Variants in CNOT3 observed in about 807,000 individuals in gnomAD.
CNOT3 encodes CCR4-associated factor 3.
A neutral mutation model predicts 89.4 loss-of-function variants in CNOT3; 2 were observed. The observed-to-expected ratio is 0.02, with a 90% CI of 0.01 to 0.07. CNOT3 has a LOEUF of 0.07. Ranked by LOEUF, CNOT3 falls within the 10% of genes least tolerant of loss-of-function variation. The probability of loss-of-function intolerance (pLI) is 1.00; values close to 1 mark genes in which losing one functional copy is unlikely to be tolerated. For synonymous variants in CNOT3, 486 were observed against 402.0 expected (o/e 1.21, Z -2.50); for missense variants, 664 against 1,010.2 (o/e 0.66, Z 4.65).
chr19:54,140,265 C>T (rs939333066), intron 1 of CNOT3, among the ~76,000 whole-genome samples: 1 of 152,158 alleles, frequency 6.6e-6, no homozygotes, highest in Admixed American at 6.5e-5. Flanking sequence ...CCCCGCCACC[C>T]GCCTTGTGGG....
Position 54,144,576 on chromosome 19 carries a change from C to G in CNOT3, c.483+244C>G, listed in dbSNP as rs2074582071. On this transcript the variant is annotated intron_variant, in intron 7 of 17. Coordinates refer to ENST00000221232, the MANE Select transcript of CNOT3 (RefSeq NM_014516.4). This position sits in a 1 kb window ranked among gnomAD's most constrained non-coding sequence, Gnocchi z 4.8. ...CTGGGTGTCTGGGTAGACCGTGGGGCCTTTGTGAAGAGGAGCGACTTGGGG... is the reference window on the plus strand; with the variant it reads ...CTGGGTGTCTGGGTAGACCGTGGGGGCTTTGTGAAGAGGAGCGACTTGGGG... Among the ~76,000 whole-genome samples, 1 of 152,066 alleles carries G rather than the reference C, an allele frequency of 6.6e-6. No individual in the cohort carries two copies.
At position 54,145,835 on chromosome 19, in the gene CNOT3, A is replaced by G. The variant is rs73936620; in HGVS notation, c.703+18A>G. 8,669 of 1,609,104 alleles carry G rather than the reference A, an allele frequency of 5.4e-3. 388 individuals are homozygous for G. In the African/African-American group the frequency reaches 0.098, roughly 18 times the overall value. ...GGACATTCGTGAGGCCCTGGGGCTG[A>G]TCGTGGCACAGGAAGTGAGGGCCCA... On this transcript the variant is annotated intron_variant, in intron 8 of 17. Transcript: ENST00000221232. This position sits in a 1 kb window ranked among gnomAD's most constrained non-coding sequence, Gnocchi z 5.9.
Position 54,144,880 on chromosome 19 carries a change from CAG to C in CNOT3, c.483+549_483+550del, listed in dbSNP as rs1231433721. 6.6e-6 allele frequency among the ~76,000 whole-genome samples: 1 copy of C among 151,962 alleles called. No individual in the cohort carries two copies. Among genetic ancestry groups the C allele is most frequent in the East Asian group, 1.9e-4 (1 of 5,192 alleles). On this transcript the variant is annotated intron_variant, in intron 7 of 17. Transcript: ENST00000221232. This position sits in a 1 kb window ranked among gnomAD's most constrained non-coding sequence, Gnocchi z 4.8. Reference sequence around the variant, plus strand: ...TACAGACTTGCTGAAACCAGAAAGACAGGGAGGGGAGAGCCGGGTCCTCAGGG... The same window carrying C: ...TACAGACTTGCTGAAACCAGAAAGACGGAGGGGAGAGCCGGGTCCTCAGGG...
intron 13 of CNOT3, among the ~76,000 whole-genome samples, chr19:54,151,452 C>G (rs1356468325): frequency 6.6e-6 from 1 of 152,080 alleles, no homozygotes; most frequent in African/African-American, 2.4e-5. Context: ...ACCTGTAATC[C>G]CAGCTCTTAG....
At chr19:54,152,813 G>C (rs1016084715) in intron 15 of CNOT3, 54 bp from the exon 16 acceptor site, 1 of 915,994 alleles carries the variant, frequency 1.1e-6, no homozygotes, top group Non-Finnish European at 1.8e-6. Flanking sequence ...GCACCCTTTT[G>C]ATCACGACAG....
At chr19:54,154,399 T>G in intron 17 of CNOT3, 1 of 219,752 alleles carries the variant, frequency 4.6e-6, no homozygotes, top group African/African-American at 2.2e-5. Flanking sequence ...CACTCGAACC[T>G]CTGTGTCTCA....
At chr19:54,147,255 T>C (rs997591283) in intron 10 of CNOT3, among the ~76,000 whole-genome samples, 3 of 152,230 alleles carry the variant, frequency 2.0e-5, no homozygotes, top group Admixed American at 6.5e-5. Context: ...TACAGAACAA[T>C]GTTAGGCAGG....
chr19:54,150,278 G>A (rs1346892799), intron 13 of CNOT3, among the ~76,000 whole-genome samples: 4 of 152,076 alleles, frequency 2.6e-5, no homozygotes, highest in Non-Finnish European at 5.9e-5. Flanking sequence ...AGGGGGTGAT[G>A]TTTAAGCTGA....
intron 12 of CNOT3, 120 bp from the exon 13 acceptor site, chr19:54,149,440 C>T (rs2074919190): frequency 1.8e-6 from 1 of 568,538 alleles, no homozygotes; most frequent in Admixed American, 3.5e-5. Flanking sequence ...TCTGCCCTCA[C>T]CTGCCCCTCT....
At chr19:54,153,076 G>A (rs2075217112) in intron 16 of CNOT3, 77 bp downstream of exon 16, 4 of 1,491,828 alleles carry the variant, frequency 2.7e-6, no homozygotes, top group Non-Finnish European at 3.7e-6. Context: ...CGGGCTGGAG[G>A]GGTGAGGTGG....
intron 16 of CNOT3, chr19:54,153,408 ACCT>A (rs2075247216): frequency 2.6e-6 from 2 of 769,560 alleles, no homozygotes; most frequent in Non-Finnish European, 4.8e-6. Context: ...GTCATGAGTG[ACCT>A]CCACCCTCAT....
rs974357901 is a variant in CNOT3 at position 54,148,969 on chromosome 19, C to T, written c.1406+226C>T. Among the ~76,000 whole-genome samples, 1 of 152,216 alleles carries T rather than the reference C, an allele frequency of 6.6e-6. No individual in the cohort carries two copies. The highest frequency in any genetic ancestry group is 1.5e-5 in the Non-Finnish European group (1 of 68,036). ...CCTTCAGAACATTCTAAAATACGTT[C>T]TCATCTAAGTGGAAGTTTTCTCAAG... On this transcript the variant is annotated intron_variant, in intron 12 of 17. Coordinates refer to ENST00000221232, the MANE Select transcript of CNOT3 (RefSeq NM_014516.4). The surrounding 1 kb of genome is among the most constrained non-coding windows in gnomAD (Gnocchi z 6.3).
chr19:54,152,487 T>C lies in CNOT3; in HGVS notation c.1765T>C (p.Ser589Pro). 1 of 1,614,188 alleles carries C rather than the reference T, an allele frequency of 6.2e-7. No homozygotes were observed. Among genetic ancestry groups the C allele is most frequent in the Admixed American group, 1.7e-5 (1 of 60,018 alleles). Residue 589 changes from serine to proline, a missense_variant, in exon 15 of 18, where the codon TCA becomes CCA. This residue lies in a region of CNOT3 where 545 missense variants were observed against 566.2 expected (regional missense o/e 0.96). Coordinates refer to ENST00000221232, the MANE Select transcript of CNOT3 (RefSeq NM_014516.4). ...CTCAGCCCAGCCGCCCCTGCAGCTG[T>C]CAGAGGTGAACATACCGCTGTCGCT... ...PASAQPPLQLSEVNIPLSLGV... is the reference protein window; with the variant it reads ...PASAQPPLQLPEVNIPLSLGV...
Position 54,149,585 on chromosome 19 carries a change from A to T in CNOT3, c.1432A>T (p.Thr478Ser). ...GAAGGAACCCAGTGCGGCAGCCCCA[A>T]CGGGGGCTGGGGGCGTGGCCCCAGG... Reference protein sequence around the residue: ...TSKEPSAAAPTGAGGVAPGSG... With the variant: ...TSKEPSAAAPSGAGGVAPGSG... The change falls in exon 13 of 18, where the codon ACG becomes TCG. Residue 478 changes from threonine (T) to serine (S), a missense_variant. Around this residue, in one of 8 missense-constraint regions of CNOT3, gnomAD observed 545 missense variants for 566.2 expected, o/e 0.96. Coordinates refer to ENST00000221232, the MANE Select transcript of CNOT3 (RefSeq NM_014516.4). 6.2e-7 allele frequency: 1 copy of T among 1,601,556 alleles called. No homozygotes were observed. The highest frequency in any genetic ancestry group is 2.2e-5 in the East Asian group (1 of 44,650).
intron 1 of CNOT3, among the ~76,000 whole-genome samples, chr19:54,140,380 G>A (rs1212554370): frequency 6.6e-6 from 1 of 151,986 alleles, no homozygotes; most frequent in Non-Finnish European, 1.5e-5. Flanking sequence ...CTGGAGCACA[G>A]GTTCTTCACG....
Position 54,145,440 on chromosome 19 carries a change from G to C in CNOT3, c.484-158G>C. On this transcript the variant is annotated intron_variant, in intron 7 of 17. Coordinates refer to ENST00000221232, the MANE Select transcript of CNOT3 (RefSeq NM_014516.4). This position sits in a 1 kb window ranked among gnomAD's most constrained non-coding sequence, Gnocchi z 5.9. ...CTAAGATTGGTCCCCACAGGGCTCA[G>C]AGGGTGGGTGGACCCCATACTGCCC... 4.9e-6 allele frequency: 3 copies of C among 617,758 alleles called. No homozygotes were observed. The South Asian group carries it at 5.7e-5, about 12-fold the overall frequency. 38.3% of individuals were successfully genotyped at this position (617,758 alleles called of 1,614,324 possible). A position where few individuals can be genotyped will look rare whatever the true frequency, so the allele number is the denominator to read the frequency against.
intron 17 of CNOT3, chr19:54,154,724 G>A (rs2075321013): frequency 6.5e-6 from 1 of 153,092 alleles, no homozygotes; most frequent in Admixed American, 6.5e-5. Flanking sequence ...TAGAACCTAG[G>A]TCCTCTCCCA....
intron 1 of CNOT3, chr19:54,142,484 C>A: frequency 4.9e-6 from 1 of 204,298 alleles, no homozygotes. Flanking sequence ...TTTCATTTGT[C>A]TCCTGACTTG....
At chr19:54,138,430 C>T (rs1442251490) in intron 1 of CNOT3, among the ~76,000 whole-genome samples, 1 of 152,172 alleles carries the variant, frequency 6.6e-6, no homozygotes, top group Non-Finnish European at 1.5e-5. Flanking sequence ...GGCTCAGGTG[C>T]CTGCCCCCCT....
Sources: gnomAD v4.1 joint callset for allele counts (sites outside exome capture counted in the v4.1 genomes callset) on GRCh38, gnomAD v4.1.1 for gene constraint, gnomAD v4.1.1 regional missense constraint, Gnocchi (gnomAD v3.1) non-coding constraint, MANE v1.5 for transcripts, NCBI Gene and HGNC (gene_info 2026-07-23, HGNC 2026-07-21) for gene names.